CSMD1: variants seen among roughly 807,000 people sequenced by gnomAD.
The protein encoded by CSMD1 is CUB and sushi domain-containing protein 1.
A neutral mutation model predicts 417.5 loss-of-function variants in CSMD1; 213 were observed. That is an observed-to-expected ratio of 0.51 (90% CI 0.46 to 0.57). The LOEUF (loss-of-function observed/expected upper bound fraction) is 0.57. CSMD1 is among the 20% of genes least tolerant of loss of function. The pLI, the probability that CSMD1 is intolerant of heterozygous loss-of-function variation, is 0.00. For missense variants in CSMD1, 6,923 were observed against 4,529.7 expected, an observed-to-expected ratio of 1.53 and a Z score of -15.17; for synonymous variants, 2,862 against 1,736.8, an observed-to-expected ratio of 1.65 and a Z score of -16.11.
Position 3,259,622 on chromosome 8 carries a change from C to T in CSMD1, c.4153+24522G>A, listed in dbSNP as rs189222798. Among the ~76,000 whole-genome samples, 12 of 152,200 alleles carry T rather than the reference C, an allele frequency of 7.9e-5. No homozygotes were observed. In the East Asian group the frequency reaches 1.7e-3, roughly 22 times the overall value. Reference sequence around the variant, plus strand: ...TTTTCTCATTTGACATGACAAATTCCTCCTCGAGATTTTAATATGTATACA... The same window carrying T: ...TTTTCTCATTTGACATGACAAATTCTTCCTCGAGATTTTAATATGTATACA... On this transcript the variant is annotated intron_variant, in intron 26 of 69. Transcript: ENST00000635120.
chr8:4,611,383 C>A (rs771937781), intron 2 of CSMD1, among the ~76,000 whole-genome samples: 69 of 152,340 alleles, frequency 4.5e-4, no homozygotes, highest in Admixed American at 7.2e-4. Flanking sequence ...CAGCTCCCCA[C>A]TGGCTATCTG....
chr8:3,439,311 T>TATATATATATATA lies in CSMD1; in HGVS notation c.1561+29400_1561+29401insTATATATATATAT, dbSNP rs1563390619. On this transcript the variant is annotated intron_variant, in intron 12 of 69. Coordinates refer to ENST00000635120, the MANE Select transcript of CSMD1 (RefSeq NM_033225.6). ...TATATATATATATATATATATATATTTTTTTTTTTAATATGTATTTTTAAT... is the reference window on the plus strand; with the variant it reads ...TATATATATATATATATATATATATTATATATATATATATTTTTTTTTAATATGTATTTTTAAT... Among the ~76,000 whole-genome samples the TATATATATATATA allele has an allele frequency of 5.0e-4, 18 of 36,282 alleles. No homozygotes were observed. The South Asian group carries it at 8.6e-3, about 17-fold the overall frequency. The allele number at this position is 36,282 out of a possible 152,430, so 23.8% of individuals were successfully genotyped here.
At chr8:3,947,470 G>T (rs536515567) in intron 5 of CSMD1, among the ~76,000 whole-genome samples, 17 of 152,144 alleles carry the variant, frequency 1.1e-4, no homozygotes, top group African/African-American at 3.9e-4. Flanking sequence ...GTTTCATCCA[G>T]TTTAATTTTT....
At chr8:3,977,362 G>T (rs1813513892) in intron 5 of CSMD1, among the ~76,000 whole-genome samples, 1 of 152,044 alleles carries the variant, frequency 6.6e-6, no homozygotes, top group Admixed American at 6.5e-5. Flanking sequence ...CAAGTAGAAG[G>T]CACTCAATAC....
At chr8:4,286,426 T>C (rs1184414281) in intron 3 of CSMD1, among the ~76,000 whole-genome samples, 1 of 152,140 alleles carries the variant, frequency 6.6e-6, no homozygotes, top group African/African-American at 2.4e-5. Context: ...AGAAAAATCA[T>C]GGAGAGTATG....
intron 3 of CSMD1, among the ~76,000 whole-genome samples, chr8:4,058,906 A>G (rs940638347): frequency 1.3e-5 from 2 of 152,046 alleles, no homozygotes; most frequent in African/African-American, 4.8e-5. Flanking sequence ...TAACAAGGAT[A>G]CCCAGGAATT....
At chr8:3,880,156 G>T (rs535475389) in intron 5 of CSMD1, among the ~76,000 whole-genome samples, 3 of 152,138 alleles carry the variant, frequency 2.0e-5, no homozygotes, top group Non-Finnish European at 4.4e-5. Context: ...TTCGACCATG[G>T]TACAGAGGAA....
intron 3 of CSMD1, among the ~76,000 whole-genome samples, chr8:4,371,783 T>C (rs1337575655): frequency 6.6e-6 from 1 of 152,226 alleles, no homozygotes; most frequent in Non-Finnish European, 1.5e-5. Flanking sequence ...AAATATTGTT[T>C]TTTAATTCAT....
chr8:3,241,448 G>C (rs1405010630), intron 26 of CSMD1, among the ~76,000 whole-genome samples: 1 of 152,274 alleles, frequency 6.6e-6, no homozygotes, highest in East Asian at 1.9e-4. Flanking sequence ...TTGGTCTACA[G>C]GGCTTCCGAG....
chr8:4,374,654 T>G (rs932642484), intron 3 of CSMD1, among the ~76,000 whole-genome samples: 8 of 152,074 alleles, frequency 5.3e-5, no homozygotes, highest in Non-Finnish European at 1.5e-5. Flanking sequence ...CTGGATGTTT[T>G]CTGAGTAGAC....
At chr8:4,781,827 A>G (rs1413913674) in intron 1 of CSMD1, among the ~76,000 whole-genome samples, 1 of 152,216 alleles carries the variant, frequency 6.6e-6, no homozygotes, top group Non-Finnish European at 1.5e-5. Context: ...AACATCATTC[A>G]CGATGACGGT....
At chr8:4,736,099 T>C (rs974724077) in intron 1 of CSMD1, among the ~76,000 whole-genome samples, 1 of 152,178 alleles carries the variant, frequency 6.6e-6, no homozygotes, top group Non-Finnish European at 1.5e-5. Context: ...TTGGAAAGCT[T>C]TGTTTCTCAC....
chr8:4,060,890 A>G lies in CSMD1; in HGVS notation c.416-28791T>C, dbSNP rs930911398. Among the ~76,000 whole-genome samples, 6 of 152,184 alleles carry G rather than the reference A, an allele frequency of 3.9e-5. 1 individual carries two copies. In the South Asian group the frequency reaches 1.2e-3, roughly 32 times the overall value. On this transcript the variant is annotated intron_variant, in intron 3 of 69. Coordinates refer to ENST00000635120, the MANE Select transcript of CSMD1 (RefSeq NM_033225.6). ...GAAGAAAACAAAGGCAAAAAATAAAACTCCCACTAAGCCTGTTTCCCATTT... is the reference window on the plus strand; with the variant it reads ...GAAGAAAACAAAGGCAAAAAATAAAGCTCCCACTAAGCCTGTTTCCCATTT...
chr8:2,964,659 G>C (rs1253088237), intron 59 of CSMD1, among the ~76,000 whole-genome samples: 2 of 152,186 alleles, frequency 1.3e-5, no homozygotes, highest in Admixed American at 1.3e-4. Context: ...CCGACACAAC[G>C]TAGTGCATTT....
At chr8:3,104,710 C>CT (rs34005345) in intron 46 of CSMD1, among the ~76,000 whole-genome samples, 66,442 of 134,902 alleles carry the variant, frequency 0.49, 16,493 homozygotes, top group South Asian at 0.61. Context: ...TTTTTCTTTT[C>CT]TTTTTTTTTT....
chr8:3,189,117 A>G (rs1585602231), intron 34 of CSMD1, 106 bp from the exon 35 acceptor site: 5 of 710,404 alleles, frequency 7.0e-6, no homozygotes, highest in Middle Eastern at 2.9e-4. Flanking sequence ...GAAAATGTAC[A>G]TGAACAATGA....
chr8:3,021,681 CGGAATGCACCTGCAATCCCACAGCATCT>C (rs1287445602), intron 51 of CSMD1, among the ~76,000 whole-genome samples: 2,711 of 120,820 alleles, frequency 0.022, 55 homozygotes, highest in African/African-American at 0.068. Flanking sequence ...CCACAGCGTC[CGGAATGCACCTGCAATCCCACAGCATCT>C]GGAATGCACC....
intron 18 of CSMD1, among the ~76,000 whole-genome samples, chr8:3,371,355 G>A (rs144007572): frequency 2.5e-3 from 373 of 152,222 alleles, no homozygotes; most frequent in African/African-American, 8.6e-3. Flanking sequence ...AAAAATCACA[G>A]CTCATTCCTG....
chr8:3,185,650 G>T (rs1821703871), intron 36 of CSMD1, among the ~76,000 whole-genome samples: 1 of 152,118 alleles, frequency 6.6e-6, no homozygotes, highest in African/African-American at 2.4e-5. Flanking sequence ...CTTAATATGA[G>T]GTTGCTGTAC....
Sources: allele counts gnomAD v4.1 joint callset (sites outside exome capture counted in the v4.1 genomes callset), GRCh38; gene constraint gnomAD v4.1.1; transcripts MANE v1.5; gene names NCBI Gene and HGNC (gene_info 2026-07-23, HGNC 2026-07-21).